HMCN2: variants seen among roughly 807,000 people sequenced by gnomAD.
The protein encoded by HMCN2 is hemicentin 2, also known as hemicentin-2.
Under a neutral mutation model 377.5 loss-of-function variants are expected in HMCN2, and 325 were observed. That is an observed-to-expected ratio of 0.86 (90% CI 0.79 to 0.94). HMCN2 has a LOEUF of 0.94. HMCN2 is among the 40% of genes least tolerant of loss of function. The pLI is 0.00. For missense variants in HMCN2, 4,543 were observed against 4,725.3 expected (o/e 0.96, Z 1.13); for synonymous variants, 2,007 against 2,046.8 (o/e 0.98, Z 0.53).
At chr9:130,319,246 C>T (rs1837722815) in intron 15 of HMCN2, among the ~76,000 whole-genome samples, 1 of 152,268 alleles carries the variant, frequency 6.6e-6, no homozygotes, top group African/African-American at 2.4e-5. Context: ...TCCCCTGCAC[C>T]TCTGGGGTAA....
chr9:130,359,758 TG>T (rs1329341249), intron 37 of HMCN2, among the ~76,000 whole-genome samples: 1 of 152,070 alleles, frequency 6.6e-6, no homozygotes, highest in Non-Finnish European at 1.5e-5. Context: ...GGCCGGGAGC[TG>T]GGGGCTGGGT....
Position 130,303,396 on chromosome 9 carries a change from C to T in HMCN2, c.1422-91C>T, listed in dbSNP as rs1206709066. On this transcript the variant is annotated intron_variant, in intron 9 of 97. Transcript: ENST00000683500. The surrounding 1 kb of genome is among the most constrained non-coding windows in gnomAD (Gnocchi z 5.2). ...ATCTCACAGAGGAATTGGGGTCTCT[C>T]GTTTGGGCAGGATTCAGGGGACTGA... is the stretch of plus-strand genomic sequence containing the variant. The T allele has an allele frequency of 9.0e-6, 3 of 331,874 alleles. No homozygotes were observed. Among genetic ancestry groups the T allele is most frequent in the Non-Finnish European group, 1.3e-5 (2 of 154,670 alleles). 20.6% of individuals were successfully genotyped at this position (331,874 alleles called of 1,614,324 possible).
Position 130,422,725 on chromosome 9 carries a change from G to A in HMCN2, c.13380G>A (p.Val4460=). 7.8e-7 allele frequency: 1 copy of A among 1,279,868 alleles called. No individual in the cohort carries two copies. Among genetic ancestry groups the A allele is most frequent in the Non-Finnish European group, 1.0e-6 (1 of 1,004,768 alleles). 79.3% of individuals were successfully genotyped at this position (1,279,868 alleles called of 1,614,324 possible). A position where few individuals can be genotyped will look rare whatever the true frequency, so the allele number is the denominator to read the frequency against. The change falls in exon 87 of 98, where the codon GTG becomes GTA. Residue 4460 remains valine, a splice_region_variant and synonymous_variant. Coordinates refer to ENST00000683500, the MANE Select transcript of HMCN2 (RefSeq NM_001291815.2). The surrounding 1 kb of genome is among the most constrained non-coding windows in gnomAD (Gnocchi z 4.2). The stretch of plus-strand genomic sequence containing the variant: ...GCATCCGCCATGTCCCAGCAAACGT[G>A]GGTGAGTGGAAGGCAGAGCATCACC... ...HSSIRHVPAN[V]GPLMRVLVVT...
chr9:130,339,248 G>A (rs1486579565), intron 23 of HMCN2, among the ~76,000 whole-genome samples: 7 of 152,168 alleles, frequency 4.6e-5, no homozygotes, highest in South Asian at 4.1e-4. Flanking sequence ...ACACGCCCAC[G>A]CATGTTTATC....
chr9:130,290,434 C>T lies in HMCN2; in HGVS notation c.612+4124C>T, dbSNP rs115655596. On this transcript the variant is annotated intron_variant, in intron 4 of 97. Transcript: ENST00000683500. ...TAGAACAAGCTTGTAACAGCAGTTA[C>T]GACACAGTAGCGGGTGTCACTCCTC... Among the ~76,000 whole-genome samples the T allele has an allele frequency of 4.4e-3, 665 of 152,336 alleles. 6 individuals carry two copies. The highest frequency in any genetic ancestry group is 0.015 in the African/African-American group (633 of 41,570).
At position 130,398,461 on chromosome 9, in the gene HMCN2, G is replaced by A. The variant is rs909012697; in HGVS notation, c.11327-90G>A. 75 of 604,922 alleles carry A rather than the reference G, an allele frequency of 1.2e-4. No individual in the cohort carries two copies. The African/African-American group carries it at 1.3e-3, about 11-fold the overall frequency. 37.5% of individuals were successfully genotyped at this position (604,922 alleles called of 1,614,324 possible). Reference sequence around the variant, plus strand: ...CCTCAGGGATGGGTGGAAGACAGTAGGCAGTGGCTTTGCCCCTGGGCACAG... The same window carrying A: ...CCTCAGGGATGGGTGGAAGACAGTAAGCAGTGGCTTTGCCCCTGGGCACAG... On this transcript the variant is annotated intron_variant, in intron 74 of 97. Coordinates refer to ENST00000683500, the MANE Select transcript of HMCN2 (RefSeq NM_001291815.2).
chr9:130,372,459 C>A, intron 47 of HMCN2, 52 bp downstream of exon 47: 1 of 717,284 alleles, frequency 1.4e-6, no homozygotes, highest in Non-Finnish European at 1.7e-6. Context: ...TCCCCACTGC[C>A]TGGGAGCTCC....
intron 86 of HMCN2, among the ~76,000 whole-genome samples, chr9:130,421,428 C>T (rs1844002463): frequency 6.6e-6 from 1 of 152,136 alleles, no homozygotes; most frequent in South Asian, 2.1e-4. Context: ...CTCCTGAAAA[C>T]CTGCTTTTCC....
intron 82 of HMCN2, chr9:130,406,611 C>T (rs1310781091): frequency 1.1e-5 from 2 of 182,140 alleles, no homozygotes; most frequent in African/African-American, 4.7e-5. Context: ...TGCTAAGTCC[C>T]CTCCACTGCA....
At chr9:130,374,165 G>A (rs548170959) in intron 48 of HMCN2, among the ~76,000 whole-genome samples, 1 of 151,372 alleles carries the variant, frequency 6.6e-6, no homozygotes, top group Non-Finnish European at 1.5e-5. Context: ...TTGACTGGAA[G>A]GATAGGTGAG....
At chr9:130,316,264 G>A (rs1445876857) in intron 15 of HMCN2, among the ~76,000 whole-genome samples, 1 of 152,100 alleles carries the variant, frequency 6.6e-6, no homozygotes, top group African/African-American at 2.4e-5. Context: ...GTGCTGAGCC[G>A]GGAGGCACTG....
intron 85 of HMCN2, among the ~76,000 whole-genome samples, chr9:130,416,397 G>A (rs555041458): frequency 3.9e-5 from 6 of 152,114 alleles, no homozygotes; most frequent in Admixed American, 3.3e-4. Context: ...GAGTCACTGC[G>A]CCTGGCCTCG....
At chr9:130,345,199 T>C (rs1458765584) in intron 25 of HMCN2, among the ~76,000 whole-genome samples, 1 of 146,648 alleles carries the variant, frequency 6.8e-6, no homozygotes, top group Non-Finnish European at 1.5e-5. Flanking sequence ...GTGTGGTTTG[T>C]GGTATGTATT....
intron 22 of HMCN2, among the ~76,000 whole-genome samples, chr9:130,334,786 C>CCT (rs1406892236): frequency 2.0e-4 from 26 of 130,800 alleles, no homozygotes; most frequent in Non-Finnish European, 4.1e-4. Flanking sequence ...TCTCCCTCTT[C>CCT]CTCTCTCTCT....
chr9:130,280,844 G>T (rs1835072260), intron 1 of HMCN2, among the ~76,000 whole-genome samples: 1 of 152,104 alleles, frequency 6.6e-6, no homozygotes, highest in African/African-American at 2.4e-5. Context: ...AGTGGCTCAC[G>T]CCTGTAATCC....
intron 14 of HMCN2, among the ~76,000 whole-genome samples, chr9:130,309,677 C>T (rs1760229732): frequency 6.6e-6 from 1 of 152,096 alleles, no homozygotes; most frequent in Non-Finnish European, 1.5e-5. Context: ...GATGATGAGC[C>T]TTGTCATGCA....
chr9:130,359,534 C>A, intron 37 of HMCN2, 120 bp downstream of exon 37: 1 of 390,200 alleles, frequency 2.6e-6, no homozygotes, highest in Non-Finnish European at 4.9e-6. Flanking sequence ...CAGGTCTTTC[C>A]CCCCCGTTTC....
chr9:130,335,036 G>T (rs1229034683), intron 22 of HMCN2, among the ~76,000 whole-genome samples: 1 of 152,080 alleles, frequency 6.6e-6, no homozygotes, highest in African/African-American at 2.4e-5. Context: ...AGGTCTCCTT[G>T]TGTTACCCAG....
chr9:130,349,426 C>G, intron 28 of HMCN2, 111 bp from the exon 29 acceptor site: 1 of 1,179,304 alleles, frequency 8.5e-7, no homozygotes, highest in Non-Finnish European at 1.1e-6. Context: ...CCAGGAAGGT[C>G]AGGTAGGAGG....
Sources: gnomAD v4.1 joint callset for allele counts (sites outside exome capture counted in the v4.1 genomes callset) on GRCh38, gnomAD v4.1.1 for gene constraint, Gnocchi (gnomAD v3.1) non-coding constraint, MANE v1.5 for transcripts, NCBI Gene and HGNC (gene_info 2026-07-23, HGNC 2026-07-21) for gene names.